Variants in SLC7A5 observed in about 807,000 individuals in gnomAD.
SLC7A5 encodes large neutral amino acids transporter small subunit 1.
In SLC7A5, 23 loss-of-function variants were observed where a neutral mutation model predicts 50.2. The ratio of observed to expected loss-of-function variants is 0.46; its 90% CI spans 0.33 to 0.65. The LOEUF (loss-of-function observed/expected upper bound fraction) is 0.65, where lower values mean the gene tolerates loss of function less well. Ranked by LOEUF, SLC7A5 falls within the 30% of genes least tolerant of loss-of-function variation. The pLI, the probability that SLC7A5 is intolerant of heterozygous loss-of-function variation, is 0.02. For missense variants in SLC7A5, 578 were observed against 684.4 expected, an observed-to-expected ratio of 0.84 and a Z score of 1.73; for synonymous variants, 393 against 330.6, an observed-to-expected ratio of 1.19 and a Z score of -2.05.
At position 87,862,656 on chromosome 16, in the gene SLC7A5, G is replaced by C. The variant is rs916592454; in HGVS notation, c.538+6229C>G. Among the ~76,000 whole-genome samples the C allele has an allele frequency of 1.3e-5, 2 of 152,234 alleles. No individual in the cohort carries two copies. The highest frequency in any genetic ancestry group is 2.4e-5 in the African/African-American group (1 of 41,460). On this transcript the variant is annotated intron_variant, in intron 1 of 9. Coordinates refer to ENST00000261622, the MANE Select transcript of SLC7A5 (RefSeq NM_003486.7). This position sits in a 1 kb window ranked among gnomAD's most constrained non-coding sequence, Gnocchi z 5.3. ...TGTGCACAGTGAGCAGGAGATACAG[G>C]CACGTGGAGGGACGGTCACAGCCCG...
In SLC7A5 at chr16:87,853,154, A is replaced by T. The variant is rs1034536471; in HGVS notation, c.539-1305T>A. ...ACGCTCAGAAAGGTCTGGCCAGCCA[A>T]GGCCTTGAGGACTCCAGTGGCTTTT... On this transcript the variant is annotated intron_variant, in intron 1 of 9. Coordinates refer to ENST00000261622, the MANE Select transcript of SLC7A5 (RefSeq NM_003486.7). The surrounding 1 kb of genome is among the most constrained non-coding windows in gnomAD (Gnocchi z 4.4). 1.3e-5 allele frequency among the ~76,000 whole-genome samples: 2 copies of T among 152,240 alleles called. No homozygotes were observed. Among genetic ancestry groups the T allele is most frequent in the African/African-American group, 4.8e-5 (2 of 41,464 alleles).
intron 2 of SLC7A5, among the ~76,000 whole-genome samples, chr16:87,849,171 G>T (rs1192587983): frequency 6.6e-6 from 1 of 152,364 alleles, no homozygotes; most frequent in South Asian, 2.1e-4. Context: ...GTATCTGGGG[G>T]CGCTGCTGCC....
rs73251376 is a variant in SLC7A5, at chr16:87,840,786, C to T, written c.770+264G>A. ...GAGGAAAGGGGCCGCAGGGCTCAGC[C>T]GCCTCCACCTGCCACCTTCGCCAAG... On this transcript the variant is annotated intron_variant, in intron 3 of 9. Coordinates refer to ENST00000261622, the MANE Select transcript of SLC7A5 (RefSeq NM_003486.7). Among the ~76,000 whole-genome samples, 645 of 152,312 alleles carry T rather than the reference C, an allele frequency of 4.2e-3. 4 individuals carry two copies. Among genetic ancestry groups the T allele is most frequent in the African/African-American group, 0.015 (609 of 41,576 alleles).
rs768051855 is a variant in SLC7A5 at position 87,869,411 on chromosome 16, C to T, written c.12G>A (p.Ala4=). MAG[A]GPKRRALAAP... ...CCGCTAGCGCGCGCCGCTTCGGGCC[C>T]GCACCCGCCATGCTCTGCGCACCGG... is the stretch of plus-strand genomic sequence containing the variant. The change falls in exon 1 of 10, where the codon GCG becomes GCA. Residue 4 remains alanine (A), a synonymous_variant. Transcript: ENST00000261622. 3 of 1,494,870 alleles carry T rather than the reference C, an allele frequency of 2.0e-6. No individual in the cohort carries two copies. Among genetic ancestry groups the T allele is most frequent in the Non-Finnish European group, 2.7e-6 (3 of 1,128,136 alleles). The allele number at this position is 1,494,870 out of a possible 1,614,324, so 92.6% of individuals were successfully genotyped here.
At position 87,837,949 on chromosome 16, in the gene SLC7A5, C is replaced by G. The variant is rs752452711; in HGVS notation, c.1044-8G>C. On this transcript the variant is annotated splice_polypyrimidine_tract_variant and splice_region_variant and intron_variant, in intron 6 of 9. Transcript: ENST00000261622. The stretch of plus-strand genomic sequence containing the variant: ...GACCCCACGAAGAAGAGCCTGTGGA[C>G]AGACAAGAGTGGCAGAGTCAGCCAC... 7.5e-6 allele frequency: 12 copies of G among 1,596,408 alleles called. No homozygotes were observed. The highest frequency in any genetic ancestry group is 9.4e-6 in the Non-Finnish European group (11 of 1,171,984).
At chr16:87,858,821 C>G (rs2055352798) in intron 1 of SLC7A5, among the ~76,000 whole-genome samples, 1 of 152,240 alleles carries the variant, frequency 6.6e-6, no homozygotes, top group Non-Finnish European at 1.5e-5. Flanking sequence ...TGCGCTCAGG[C>G]TTAACCAGTG....
chr16:87,859,222 C>T (rs866635240), intron 1 of SLC7A5, among the ~76,000 whole-genome samples: 3 of 152,218 alleles, frequency 2.0e-5, no homozygotes, highest in Admixed American at 2.0e-4. Context: ...GGACAGTGCC[C>T]GGGCCCTGCT....
In SLC7A5 at chr16:87,861,466, G is replaced by A. The variant is rs367796479; in HGVS notation, c.538+7419C>T. On this transcript the variant is annotated intron_variant, in intron 1 of 9. Coordinates refer to ENST00000261622, the MANE Select transcript of SLC7A5 (RefSeq NM_003486.7). The surrounding 1 kb of genome is among the most constrained non-coding windows in gnomAD (Gnocchi z 4.2). ...AAATGGTGGCCTCAGTGTAGAGGTG[G>A]GCACTGTGGCCCCTGGCTCCTGGCT... 2.0e-5 allele frequency among the ~76,000 whole-genome samples: 3 copies of A among 152,250 alleles called. No homozygotes were observed. Among genetic ancestry groups the A allele is most frequent in the Admixed American group, 6.5e-5 (1 of 15,298 alleles).
intron 2 of SLC7A5, among the ~76,000 whole-genome samples, chr16:87,848,437 G>A (rs1279266366): frequency 6.6e-6 from 1 of 152,242 alleles, no homozygotes; most frequent in Non-Finnish European, 1.5e-5. Context: ...GCAACAGCCT[G>A]CGAGTGGACT....
At chr16:87,867,265 C>T (rs1332803167) in intron 1 of SLC7A5, among the ~76,000 whole-genome samples, 2 of 152,330 alleles carry the variant, frequency 1.3e-5, no homozygotes, top group Non-Finnish European at 2.9e-5. Flanking sequence ...GCTGCGTAAG[C>T]TACTATCCAT....
intron 2 of SLC7A5, among the ~76,000 whole-genome samples, chr16:87,849,396 TG>T (rs936524805): frequency 6.6e-6 from 1 of 152,178 alleles, no homozygotes; most frequent in African/African-American, 2.4e-5. Flanking sequence ...AGGGAATTGC[TG>T]GGGGGAGCAC....
intron 6 of SLC7A5, among the ~76,000 whole-genome samples, chr16:87,838,414 C>T (rs1309051103): frequency 6.6e-6 from 1 of 152,020 alleles, no homozygotes; most frequent in African/African-American, 2.4e-5. Flanking sequence ...ACCTCAGCCC[C>T]CCAAGTAGCT....
chr16:87,834,958 C>A (rs1338251911), intron 8 of SLC7A5, among the ~76,000 whole-genome samples: 1 of 152,258 alleles, frequency 6.6e-6, no homozygotes, highest in African/African-American at 2.4e-5. Context: ...AGTGGCCACC[C>A]ACTAATAAGC....
chr16:87,839,111 C>T (rs190315086), intron 5 of SLC7A5, among the ~76,000 whole-genome samples: 4 of 152,228 alleles, frequency 2.6e-5, no homozygotes, highest in Admixed American at 6.5e-5. Context: ...TGCCTTCCCC[C>T]GTGGGGTCCT....
Position 87,860,310 on chromosome 16 carries a change from G to C in SLC7A5, c.539-8461C>G, listed in dbSNP as rs2055375226. Among the ~76,000 whole-genome samples, 12 of 129,096 alleles carry C rather than the reference G, an allele frequency of 9.3e-5. No individual in the cohort carries two copies. The Admixed American group carries it at 1.0e-3, about 11-fold the overall frequency. 84.7% of individuals were successfully genotyped at this position (129,096 alleles called of 152,430 possible). A position where few individuals can be genotyped will look rare whatever the true frequency, so the allele number is the denominator to read the frequency against. On this transcript the variant is annotated intron_variant, in intron 1 of 9. Transcript: ENST00000261622. This position sits in a 1 kb window ranked among gnomAD's most constrained non-coding sequence, Gnocchi z 4.8. Reference sequence around the variant, plus strand: ...ATCATACCACTGCACTCCAGCCCGAGTAACAAAAGCATCTCAAAAAAAAAA... The same window carrying C: ...ATCATACCACTGCACTCCAGCCCGACTAACAAAAGCATCTCAAAAAAAAAA...
chr16:87,853,730 G>C lies in SLC7A5; in HGVS notation c.539-1881C>G, dbSNP rs2055269896. On this transcript the variant is annotated intron_variant, in intron 1 of 9. Transcript: ENST00000261622. The surrounding 1 kb of genome is among the most constrained non-coding windows in gnomAD (Gnocchi z 4.4). Reference sequence around the variant, plus strand: ...TCTGGAGAGCTTTCTGGATTCGCAAGAGGCCGGCTGATTGCATCACTCGCT... The same window carrying C: ...TCTGGAGAGCTTTCTGGATTCGCAACAGGCCGGCTGATTGCATCACTCGCT... 6.6e-6 allele frequency among the ~76,000 whole-genome samples: 1 copy of C among 152,002 alleles called. No homozygotes were observed. Among genetic ancestry groups the C allele is most frequent in the African/African-American group, 2.4e-5 (1 of 41,454 alleles).
chr16:87,868,130 A>G (rs369279771), intron 1 of SLC7A5, among the ~76,000 whole-genome samples: 24,898 of 149,006 alleles, frequency 0.17, 2,621 homozygotes, highest in African/African-American at 0.29. Flanking sequence ...AAAAAAAAAA[A>G]AAAGAAAGAA....
Position 87,834,577 on chromosome 16 carries a change from C to A in SLC7A5, c.1305G>T (p.Leu435=). 1 of 1,591,692 alleles carries A rather than the reference C, an allele frequency of 6.3e-7. No individual in the cohort carries two copies. The highest frequency in any genetic ancestry group is 8.5e-7 in the Non-Finnish European group (1 of 1,170,920). The change falls in exon 9 of 10, where the codon CTG becomes CTT. Residue 435 remains leucine, a synonymous_variant. Coordinates refer to ENST00000261622, the MANE Select transcript of SLC7A5 (RefSeq NM_003486.7). ...GGCAGGCCAGGATGAAGAACACAGG[C>A]AGGGCCAGGTTCACCTGGGGCAGAG... is the stretch of plus-strand genomic sequence containing the variant. ...LERPIKVNLA[L]PVFFILACLF... is the part of the protein sequence containing the mutation.
intron 1 of SLC7A5, chr16:87,854,077 C>T (rs957644648): frequency 7.2e-6 from 1 of 138,026 alleles, no homozygotes; most frequent in Non-Finnish European, 1.6e-5. Context: ...CCCCCGCCCC[C>T]CCCCCCACCG....
Sources: gnomAD v4.1 joint callset for allele counts (sites outside exome capture counted in the v4.1 genomes callset) on GRCh38, gnomAD v4.1.1 for gene constraint, Gnocchi (gnomAD v3.1) non-coding constraint, MANE v1.5 for transcripts, NCBI Gene and HGNC (gene_info 2026-07-23, HGNC 2026-07-21) for gene names.